Variants in SLC14A1 observed in about 807,000 individuals in gnomAD.
SLC14A1 encodes solute carrier family 14 member 1 (Kidd blood group).
Under a neutral mutation model 39.6 loss-of-function variants are expected in SLC14A1, and 36 were observed. The ratio of observed to expected loss-of-function variants is 0.91; its 90% CI spans 0.70 to 1.20. The LOEUF is 1.20. Among genes scored for constraint, SLC14A1 ranks in the 50% most tolerant of loss-of-function variants. The probability of loss-of-function intolerance (pLI) is 0.00; values close to 1 mark genes in which losing one functional copy is unlikely to be tolerated. For missense variants in SLC14A1, 469 were observed against 478.7 expected (o/e 0.98, Z 0.19); for synonymous variants, 164 against 173.6 (o/e 0.94, Z 0.43).
intron 2 of SLC14A1, among the ~76,000 whole-genome samples, chr18:45,727,584 G>C (rs535512048): frequency 2.6e-5 from 4 of 152,346 alleles, no homozygotes; most frequent in Admixed American, 2.6e-4. Context: ...CCTTGGTTTA[G>C]AGGCTAGACC....
At chr18:45,727,489 C>T in intron 2 of SLC14A1, 1 of 1,470,014 alleles carries the variant, frequency 6.8e-7, no homozygotes, top group Non-Finnish European at 9.1e-7. Flanking sequence ...TGTATCTTTT[C>T]CGGGCAGAGC....
chr18:45,727,496 G>A (rs997487063), intron 2 of SLC14A1: 56 of 1,451,588 alleles, frequency 3.9e-5, no homozygotes, highest in Non-Finnish European at 5.0e-5. Context: ...TTTCCGGGCA[G>A]AGCCTGGGAA....
intron 2 of SLC14A1, among the ~76,000 whole-genome samples, chr18:45,727,742 T>TA (rs1297759308): frequency 2.0e-5 from 3 of 152,234 alleles, no homozygotes; most frequent in Non-Finnish European, 4.4e-5. Flanking sequence ...TCACTGGGGC[T>TA]AAGATGTTTG....
At chr18:45,743,396 T>C (rs1236287488) in intron 8 of SLC14A1, among the ~76,000 whole-genome samples, 1 of 150,540 alleles carries the variant, frequency 6.6e-6, no homozygotes, top group Admixed American at 6.6e-5. Flanking sequence ...TCACCTTCCT[T>C]TGGATAGATT....
chr18:45,733,751 G>A (rs910059173), intron 4 of SLC14A1, among the ~76,000 whole-genome samples: 1 of 152,218 alleles, frequency 6.6e-6, no homozygotes, highest in Non-Finnish European at 1.5e-5. Context: ...CTGCACTGGA[G>A]ACAGGTACCT....
At chr18:45,742,230 G>C (rs1012058470) in intron 8 of SLC14A1, among the ~76,000 whole-genome samples, 1 of 152,148 alleles carries the variant, frequency 6.6e-6, no homozygotes, top group Non-Finnish European at 1.5e-5. Context: ...GGAAAGTGTG[G>C]TGCAGGCCAG....
rs2047677420 is a variant in SLC14A1 at position 45,750,541 on chromosome 18, C to G, written c.*590C>G. ...CTATCCCTTGTGTGTGTGACATTCT[C>G]TCATGGGACAATGTTGGGGTTTTTC... is the stretch of plus-strand genomic sequence containing the variant. On this transcript the variant is annotated 3_prime_UTR_variant, in exon 10 of 10. Coordinates refer to ENST00000321925, the MANE Select transcript of SLC14A1 (RefSeq NM_015865.7). 1.0e-6 allele frequency: 1 copy of G among 989,696 alleles called. No homozygotes were observed. The highest frequency in any genetic ancestry group is 1.2e-6 in the Non-Finnish European group (1 of 832,530). 61.3% of individuals were successfully genotyped at this position (989,696 alleles called of 1,614,324 possible). A position where few individuals can be genotyped will look rare whatever the true frequency, so the allele number is the denominator to read the frequency against.
chr18:45,751,158 G>A lies in SLC14A1; in HGVS notation c.*1207G>A, dbSNP rs775449316. ...AGTTCAAGACCAGCCTGGGCAGCAT[G>A]GTGAAACCCTGTATCTACAAAAAAT... On this transcript the variant is annotated 3_prime_UTR_variant, in exon 10 of 10. Transcript: ENST00000321925. The A allele has an allele frequency of 1.7e-5, 8 of 483,388 alleles. No individual in the cohort carries two copies. The highest frequency in any genetic ancestry group is 2.1e-5 in the African/African-American group (1 of 47,112). The allele number at this position is 483,388 out of a possible 1,614,324, so 29.9% of individuals were successfully genotyped here. A position where few individuals can be genotyped will look rare whatever the true frequency, so the allele number is the denominator to read the frequency against.
chr18:45,735,198 T>G (rs994385767), intron 5 of SLC14A1, among the ~76,000 whole-genome samples: 4 of 152,216 alleles, frequency 2.6e-5, no homozygotes, highest in Admixed American at 6.5e-5. Context: ...CTCTAAAGTA[T>G]AGCCAAAGTT....
At position 45,727,535 on chromosome 18, in the gene SLC14A1, G is replaced by C. The variant is rs1165297299; in HGVS notation, c.-22+2522G>C. ...GGGGTTGGCTGTGAGCTAAGCCAAAGGCACAGGGATCTTGGTCCAAAAAGC... is the reference window on the plus strand; with the variant it reads ...GGGGTTGGCTGTGAGCTAAGCCAAACGCACAGGGATCTTGGTCCAAAAAGC... On this transcript the variant is annotated intron_variant, in intron 2 of 9. Coordinates refer to ENST00000321925, the MANE Select transcript of SLC14A1 (RefSeq NM_015865.7). The C allele has an allele frequency of 8.2e-6, 10 of 1,226,924 alleles. No individual in the cohort carries two copies. In the South Asian group the frequency reaches 1.6e-4, roughly 20 times the overall value. 76.0% of individuals were successfully genotyped at this position (1,226,924 alleles called of 1,614,324 possible).
At position 45,751,970 on chromosome 18, in the gene SLC14A1, GAA is replaced by G; in HGVS notation, c.*2021_*2022del. ...ATACATTTTGCTGAATGAATAAACA[GAA>G]ATAGGGAAGTAAACCTACAAATATT... On this transcript the variant is annotated 3_prime_UTR_variant, in exon 10 of 10. Coordinates refer to ENST00000321925, the MANE Select transcript of SLC14A1 (RefSeq NM_015865.7). The G allele has an allele frequency of 1.0e-6, 1 of 985,296 alleles. No homozygotes were observed. The highest frequency in any genetic ancestry group is 1.2e-6 in the Non-Finnish European group (1 of 829,912). 61.0% of individuals were successfully genotyped at this position (985,296 alleles called of 1,614,324 possible).
intron 6 of SLC14A1, among the ~76,000 whole-genome samples, chr18:45,737,882 G>A (rs1287104403): frequency 1.3e-5 from 2 of 152,132 alleles, no homozygotes; most frequent in Non-Finnish European, 2.9e-5. Context: ...GTGCTGATCT[G>A]GGGCAGGGGA....
chr18:45,747,131 A>T (rs1321498821), intron 8 of SLC14A1: 1 of 152,242 alleles, frequency 6.6e-6, no homozygotes, highest in African/African-American at 2.4e-5. Flanking sequence ...CGTACCAGAC[A>T]TGAAGACGAG....
chr18:45,726,298 CAGA>C (rs1461299401), intron 2 of SLC14A1, among the ~76,000 whole-genome samples: 1 of 151,752 alleles, frequency 6.6e-6, no homozygotes, highest in South Asian at 2.1e-4. Flanking sequence ...TAGGCCAAGC[CAGA>C]AGAAGAAAGT....
In SLC14A1 at chr18:45,727,394, C is replaced by G. The variant is rs190647579; in HGVS notation, c.-22+2381C>G. 4.2e-4 allele frequency: 644 copies of G among 1,549,686 alleles called. 2 individuals carry two copies. The African/African-American group carries it at 8.1e-3, about 20-fold the overall frequency. ...GAGGCATCGCCCGGCTAAGCTTGGC[C>G]CTGGCAGATGGGTCGCAGGAACAGG... is the stretch of plus-strand genomic sequence containing the variant. On this transcript the variant is annotated intron_variant, in intron 2 of 9. Transcript: ENST00000321925.
chr18:45,743,659 A>G (rs493262), intron 8 of SLC14A1, among the ~76,000 whole-genome samples: 39,599 of 152,266 alleles, frequency 0.26, 6,618 homozygotes, highest in Non-Finnish European at 0.37. Flanking sequence ...TCTGAAACTC[A>G]TAGAACAAAT....
intron 8 of SLC14A1, among the ~76,000 whole-genome samples, chr18:45,741,982 A>C (rs2047389954): frequency 6.6e-6 from 1 of 152,238 alleles, no homozygotes; most frequent in South Asian, 2.1e-4. Flanking sequence ...AGGAAGAGCA[A>C]GGGGTTTAGA....
At chr18:45,727,524 G>A in intron 2 of SLC14A1, 1 of 1,337,560 alleles carries the variant, frequency 7.5e-7, no homozygotes, top group Non-Finnish European at 1.0e-6. Flanking sequence ...TTGGCTGTGA[G>A]CTAAGCCAAA....
At chr18:45,749,320 GTC>G (rs2047645477) in intron 9 of SLC14A1, among the ~76,000 whole-genome samples, 1 of 152,102 alleles carries the variant, frequency 6.6e-6, no homozygotes, top group Admixed American at 6.5e-5. Flanking sequence ...GGAACTTAGA[GTC>G]TATTTGGGAG....
Sources: allele counts gnomAD v4.1 joint callset (sites outside exome capture counted in the v4.1 genomes callset), GRCh38; gene constraint gnomAD v4.1.1; transcripts MANE v1.5; gene names NCBI Gene and HGNC (gene_info 2026-07-23, HGNC 2026-07-21).